Variants in CACNA2D4 observed in about 807,000 individuals in gnomAD.
CACNA2D4 encodes the protein voltage-dependent calcium channel subunit alpha-2/delta-4.
A neutral mutation model predicts 163.8 loss-of-function variants in CACNA2D4; 157 were observed. That is an observed-to-expected ratio of 0.96 (90% confidence interval 0.84 to 1.09). CACNA2D4 has a LOEUF of 1.09. Among genes scored for constraint, CACNA2D4 ranks in the 50% least tolerant of loss-of-function variants. CACNA2D4 has a pLI of 0.00. For synonymous variants in CACNA2D4, 598 were observed against 586.9 expected (o/e 1.02, Z -0.27); for missense variants, 1,410 against 1,479.9 (o/e 0.95, Z 0.78).
intron 6 of CACNA2D4, among the ~76,000 whole-genome samples, chr12:1,888,337 T>G (rs924503144): frequency 2.6e-5 from 4 of 152,174 alleles, no homozygotes; most frequent in African/African-American, 9.7e-5. Flanking sequence ...GCGAATTTTC[T>G]TGTGGATTCC....
intron 37 of CACNA2D4, among the ~76,000 whole-genome samples, chr12:1,794,415 A>G (rs1486377866): frequency 6.6e-6 from 1 of 152,156 alleles, no homozygotes; most frequent in African/African-American, 2.4e-5. Flanking sequence ...CTGAAACTCA[A>G]TTCAAGTCTG....
At chr12:1,879,568 G>A (rs1052561605) in intron 14 of CACNA2D4, among the ~76,000 whole-genome samples, 1 of 152,166 alleles carries the variant, frequency 6.6e-6, no homozygotes, top group African/African-American at 2.4e-5. Flanking sequence ...GAGCAGTGAA[G>A]CTACTCCCAG....
Position 1,811,740 on chromosome 12 carries a change from G to A in CACNA2D4, c.2552-17C>T. ...CGCCCGCGGCTACAGGGCAGAAAGA[G>A]AGAGGGCAAGGCCAGGGAAGAGACG... On this transcript the variant is annotated splice_polypyrimidine_tract_variant and intron_variant, in intron 26 of 37. Transcript: ENST00000382722. The A allele has an allele frequency of 3.9e-6, 6 of 1,557,864 alleles. No homozygotes were observed. Among genetic ancestry groups the A allele is most frequent in the Non-Finnish European group, 5.2e-6 (6 of 1,150,196 alleles).
intron 18 of CACNA2D4, among the ~76,000 whole-genome samples, chr12:1,865,270 T>A (rs1040740758): frequency 3.3e-5 from 5 of 152,200 alleles, no homozygotes; most frequent in African/African-American, 1.2e-4. Flanking sequence ...TCGCTGTTCG[T>A]GCGGACCTGG....
intron 3 of CACNA2D4, among the ~76,000 whole-genome samples, chr12:1,910,747 G>A (rs1326822981): frequency 1.3e-5 from 2 of 152,142 alleles, no homozygotes; most frequent in Admixed American, 6.5e-5. Context: ...AATAAGTCAG[G>A]TACAAATGGT....
chr12:1,835,110 A>C (rs999364715), intron 26 of CACNA2D4: 1 of 193,498 alleles, frequency 5.2e-6, no homozygotes, highest in Middle Eastern at 2.1e-3. Context: ...CCTCACCTGC[A>C]TTGAGGGGAC....
At chr12:1,826,405 C>T (rs112547985) in intron 26 of CACNA2D4, among the ~76,000 whole-genome samples, 1,514 of 39,816 alleles carry the variant, frequency 0.038, 24 homozygotes, top group Non-Finnish European at 0.095. Flanking sequence ...CCAGAGCCCC[C>T]CCCCCCCCCC....
At chr12:1,819,166 G>A (rs1035958863) in intron 26 of CACNA2D4, among the ~76,000 whole-genome samples, 11 of 152,112 alleles carry the variant, frequency 7.2e-5, no homozygotes, top group Non-Finnish European at 1.5e-4. Flanking sequence ...GAAGGGGGAA[G>A]CCACCCATGG....
intron 26 of CACNA2D4, among the ~76,000 whole-genome samples, chr12:1,824,271 T>A (rs1310524249): frequency 1.3e-5 from 2 of 152,212 alleles, no homozygotes; most frequent in African/African-American, 4.8e-5. Context: ...GGGGATCTTG[T>A]TAAAATGCGG....
chr12:1,797,286 T>C, intron 35 of CACNA2D4, 132 bp downstream of exon 35: 1 of 701,142 alleles, frequency 1.4e-6, no homozygotes, highest in East Asian at 2.7e-5. Flanking sequence ...GCGTGGGCTC[T>C]GCACTTAGAC....
At position 1,834,664 on chromosome 12, in the gene CACNA2D4, G is replaced by C. The variant is rs780636190; in HGVS notation, c.2551+6075C>G. ...GGGAGCTCAAAAAGCGCCAGCCCCT[G>C]ATGGGGGACCCCGAGGGCGAGCACG... On this transcript the variant is annotated intron_variant, in intron 26 of 37. Transcript: ENST00000382722. The surrounding 1 kb of genome is among the most constrained non-coding windows in gnomAD (Gnocchi z 7.6). 2 of 1,601,714 alleles carry C rather than the reference G, an allele frequency of 1.2e-6. No individual in the cohort carries two copies.
At chr12:1,904,687 A>G (rs1201879674) in intron 6 of CACNA2D4, among the ~76,000 whole-genome samples, 2 of 152,084 alleles carry the variant, frequency 1.3e-5, no homozygotes, top group Non-Finnish European at 2.9e-5. Flanking sequence ...TTAGAATGTT[A>G]TAATTTTAAG....
Position 1,834,548 on chromosome 12 carries a change from G to T in CACNA2D4, c.2551+6191C>A. 1 of 1,603,952 alleles carries T rather than the reference G, an allele frequency of 6.2e-7. No individual in the cohort carries two copies. Among genetic ancestry groups the T allele is most frequent in the Non-Finnish European group, 8.5e-7 (1 of 1,179,924 alleles). On this transcript the variant is annotated intron_variant, in intron 26 of 37. Coordinates refer to ENST00000382722, the MANE Select transcript of CACNA2D4 (RefSeq NM_172364.5). The surrounding 1 kb of genome is among the most constrained non-coding windows in gnomAD (Gnocchi z 7.6). ...GCGAGCCATGGGCACGGTGATCATT[G>T]CAGGGGTCGTGTGCGGCGTCGTCTG...
At chr12:1,884,553 T>C (rs988961881) in intron 11 of CACNA2D4, among the ~76,000 whole-genome samples, 1 of 152,154 alleles carries the variant, frequency 6.6e-6, no homozygotes, top group Admixed American at 6.5e-5. Context: ...CCAAACCATA[T>C]TCTGGTCCCT....
intron 6 of CACNA2D4, among the ~76,000 whole-genome samples, chr12:1,901,887 G>T (rs771452727): frequency 2.4e-4 from 37 of 151,800 alleles, no homozygotes; most frequent in Non-Finnish European, 3.2e-4. Flanking sequence ...ACCCAACAAA[G>T]ACATACCAAA....
chr12:1,809,179 A>C (rs1483323166), intron 29 of CACNA2D4, among the ~76,000 whole-genome samples: 1 of 152,058 alleles, frequency 6.6e-6, no homozygotes, highest in East Asian at 1.9e-4. Context: ...TCCCTGCTCC[A>C]GTTCCTGCCC....
intron 23 of CACNA2D4, among the ~76,000 whole-genome samples, chr12:1,848,648 T>G (rs1375737340): frequency 6.6e-6 from 1 of 152,140 alleles, no homozygotes; most frequent in African/African-American, 2.4e-5. Context: ...TTGTTAGGTT[T>G]TAGAATAATG....
chr12:1,841,716 T>A (rs767237485), intron 25 of CACNA2D4, among the ~76,000 whole-genome samples: 14 of 152,228 alleles, frequency 9.2e-5, no homozygotes, highest in Non-Finnish European at 1.6e-4. Context: ...ATGTCAAATG[T>A]TGCCTGAAGC....
At chr12:1,850,966 T>C (rs1272133235) in intron 23 of CACNA2D4, among the ~76,000 whole-genome samples, 1 of 151,964 alleles carries the variant, frequency 6.6e-6, no homozygotes, top group Non-Finnish European at 1.5e-5. Flanking sequence ...CATTGCAGCC[T>C]CCACCTCCTG....
Sources: allele counts gnomAD v4.1 joint callset (sites outside exome capture counted in the v4.1 genomes callset), GRCh38; gene constraint gnomAD v4.1.1; non-coding constraint Gnocchi (gnomAD v3.1); transcripts MANE v1.5; gene names NCBI Gene and HGNC (gene_info 2026-07-23, HGNC 2026-07-21).